The following ADAM22 variants were observed in gnomAD, a reference collection of about 807,000 sequenced individuals.
The protein encoded by ADAM22 is ADAM metallopeptidase domain 22.
In ADAM22, 65 loss-of-function variants were observed where a neutral mutation model predicts 144.6. That is an observed-to-expected ratio of 0.45 (90% CI 0.37 to 0.55). The LOEUF is 0.55. Ranked by LOEUF, ADAM22 falls within the 20% of genes least tolerant of loss-of-function variation. ADAM22 has a pLI of 0.00. For synonymous variants in ADAM22, 391 were observed against 412.6 expected, an observed-to-expected ratio of 0.95 and a Z score of 0.63; for missense variants, 974 against 1,184.9, an observed-to-expected ratio of 0.82 and a Z score of 2.61.
chr7:88,128,819 C>A, intron 9 of ADAM22, 143 bp downstream of exon 9: 1 of 564,792 alleles, frequency 1.8e-6, no homozygotes, highest in South Asian at 2.5e-5. Context: ...TGTTAACTAG[C>A]AACAACCTGC....
chr7:88,155,427 G>T (rs182722029), intron 21 of ADAM22, among the ~76,000 whole-genome samples: 40 of 151,652 alleles, frequency 2.6e-4, no homozygotes, highest in African/African-American at 9.4e-4. Flanking sequence ...GGAGGCTGAG[G>T]CAGGAGGACC....
chr7:87,968,968 A>G (rs566650867), intron 2 of ADAM22, among the ~76,000 whole-genome samples: 24 of 152,232 alleles, frequency 1.6e-4, no homozygotes, highest in Non-Finnish European at 2.9e-4. Flanking sequence ...GGGAGATGCT[A>G]CACACTTTTA....
intron 7 of ADAM22, among the ~76,000 whole-genome samples, chr7:88,118,077 C>G (rs1339149146): frequency 4.6e-5 from 7 of 152,098 alleles, no homozygotes. Flanking sequence ...GATGAAGAAA[C>G]AGAGCTCAGC....
intron 2 of ADAM22, chr7:87,964,558 TTTGA>T (rs1308953117): frequency 4.8e-5 from 18 of 377,212 alleles, no homozygotes; most frequent in African/African-American, 1.9e-4. Context: ...AACAGAATAA[TTTGA>T]TTATTTTTCA....
At chr7:88,130,552 T>C (rs1831504888) in intron 10 of ADAM22, 93 bp downstream of exon 10, 5 of 1,291,548 alleles carry the variant, frequency 3.9e-6, no homozygotes, top group Non-Finnish European at 5.5e-6. Context: ...GTTTTACTGC[T>C]CTATGTTGCA....
chr7:87,983,630 A>G (rs944167462), intron 3 of ADAM22, among the ~76,000 whole-genome samples: 1 of 152,142 alleles, frequency 6.6e-6, no homozygotes, highest in Non-Finnish European at 1.5e-5. Flanking sequence ...TCAAAATGTT[A>G]CTTATTACCA....
At chr7:88,076,372 T>C (rs1001951569) in intron 4 of ADAM22, among the ~76,000 whole-genome samples, 3 of 152,148 alleles carry the variant, frequency 2.0e-5, no homozygotes, top group African/African-American at 7.2e-5. Flanking sequence ...CTTTAGTTCT[T>C]TCTTAGATTA....
At chr7:88,014,464 T>G (rs550451349) in intron 3 of ADAM22, among the ~76,000 whole-genome samples, 1 of 152,104 alleles carries the variant, frequency 6.6e-6, no homozygotes, top group African/African-American at 2.4e-5. Context: ...TACTTTTGAC[T>G]GGGTGAAGTG....
intron 3 of ADAM22, among the ~76,000 whole-genome samples, chr7:88,072,632 G>C (rs982350934): frequency 2.0e-5 from 3 of 152,194 alleles, no homozygotes; most frequent in Admixed American, 6.5e-5. Flanking sequence ...GTACAGCTCA[G>C]TTTCTTTTAA....
intron 3 of ADAM22, among the ~76,000 whole-genome samples, chr7:87,991,608 C>T (rs1039802078): frequency 1.3e-5 from 2 of 152,022 alleles, no homozygotes; most frequent in African/African-American, 4.8e-5. Flanking sequence ...CCTCATGATC[C>T]ACCCGCCTCG....
At chr7:88,189,678 G>A (rs1029133989) in intron 30 of ADAM22, among the ~76,000 whole-genome samples, 1 of 152,154 alleles carries the variant, frequency 6.6e-6, no homozygotes, top group African/African-American at 2.4e-5. Flanking sequence ...AGGCGCAGTG[G>A]CTCACGCCTG....
rs1417981536 is a variant in ADAM22, at chr7:88,145,203, C to A, written c.1392+7C>A. ...TGATTGTGGAACCCCGGCCGTAAGT[C>A]TCTGGTTGTTTTGATGATATTTTCT... On this transcript the variant is annotated splice_region_variant and intron_variant, in intron 16 of 31. Coordinates refer to ENST00000413139, the MANE Select transcript of ADAM22 (RefSeq NM_001324418.2). The A allele has an allele frequency of 6.2e-7, 1 of 1,613,416 alleles. No individual in the cohort carries two copies.
chr7:88,075,806 A>C lies in ADAM22; in HGVS notation c.390+114A>C, dbSNP rs999616701. 9.6e-6 allele frequency: 8 copies of C among 833,378 alleles called. No homozygotes were observed. In the Admixed American group the frequency reaches 1.7e-4, roughly 18 times the overall value. 51.6% of individuals were successfully genotyped at this position (833,378 alleles called of 1,614,324 possible). A position where few individuals can be genotyped will look rare whatever the true frequency, so the allele number is the denominator to read the frequency against. On this transcript the variant is annotated intron_variant, in intron 4 of 31. Transcript: ENST00000413139. ...ATGTACAGTTTTGAGGGTTTTAAAA[A>C]TACTTTATAATTTGAAGTTTTATCA...
At chr7:88,108,053 A>C in intron 4 of ADAM22, 123 bp from the exon 5 acceptor site, 2 of 672,822 alleles carry the variant, frequency 3.0e-6, no homozygotes, top group Non-Finnish European at 5.0e-6. Context: ...GCTAATCTGA[A>C]TAATGAAATA....
At chr7:88,049,540 A>C (rs1190278348) in intron 3 of ADAM22, among the ~76,000 whole-genome samples, 1 of 152,088 alleles carries the variant, frequency 6.6e-6, no homozygotes, top group Admixed American at 6.5e-5. Flanking sequence ...CTGGGATTAC[A>C]GGCATGCACC....
In ADAM22 at chr7:87,965,479, T is replaced by G. The variant is rs1052897716; in HGVS notation, c.247-12857T>G. ...CAGAACATCCTTTAGAATTATATAG[T>G]TTCATTCCTTAGTCCTAGGAGAAAA... On this transcript the variant is annotated intron_variant, in intron 2 of 31. Transcript: ENST00000413139. Among the ~76,000 whole-genome samples the G allele has an allele frequency of 2.6e-5, 4 of 152,212 alleles. No individual in the cohort carries two copies. In the East Asian group the frequency reaches 7.7e-4, roughly 29 times the overall value.
chr7:87,950,012 G>T (rs918205278), intron 2 of ADAM22, among the ~76,000 whole-genome samples: 3 of 151,730 alleles, frequency 2.0e-5, no homozygotes, highest in Non-Finnish European at 2.9e-5. Flanking sequence ...GCCTCTAAAA[G>T]ATCTTCATAT....
intron 3 of ADAM22, among the ~76,000 whole-genome samples, chr7:87,981,870 A>G (rs930752410): frequency 1.1e-4 from 11 of 96,098 alleles, no homozygotes; most frequent in African/African-American, 5.6e-4. Flanking sequence ...ATGTTATGTG[A>G]TAATAATGAT....
At chr7:88,082,996 C>T (rs907000362) in intron 4 of ADAM22, among the ~76,000 whole-genome samples, 2 of 152,014 alleles carry the variant, frequency 1.3e-5, no homozygotes, top group African/African-American at 4.8e-5. Flanking sequence ...GGGTATATAC[C>T]CAAAGGATTA....
Sources: allele counts gnomAD v4.1 joint callset (sites outside exome capture counted in the v4.1 genomes callset), GRCh38; gene constraint gnomAD v4.1.1; transcripts MANE v1.5; gene names NCBI Gene and HGNC (gene_info 2026-07-23, HGNC 2026-07-21).